Variants in B4GALT6 observed in about 807,000 individuals in gnomAD.
The protein encoded by B4GALT6 is UDP-Gal:beta-GlcNAc beta-1,4-galactosyltransferase 6.
B4GALT6 carries 14 observed loss-of-function variants against 46.3 expected under a neutral mutation model. The observed-to-expected ratio is 0.30, with a 90% CI of 0.20 to 0.47. The LOEUF is 0.47. Among genes scored for constraint, B4GALT6 ranks in the 20% least tolerant of loss-of-function variants. B4GALT6 has a pLI of 0.99. For synonymous variants in B4GALT6, 168 were observed against 162.0 expected (o/e 1.04, Z -0.28); for missense variants, 386 against 480.1 (o/e 0.80, Z 1.83).
At chr18:31,686,283 A>G (rs1318201873), upstream of B4GALT6, 3 of 152,224 alleles carry the variant, frequency 2.0e-5, no homozygotes, top group Non-Finnish European at 2.9e-5. Context: ...TGCGCATGCC[A>G]TAGATCGTCC....
At chr18:31,721,421 A>G in the B4GALT6 span, among the ~76,000 whole-genome samples, 1 of 152,246 alleles carries the variant, frequency 6.6e-6, no homozygotes, top group East Asian at 1.9e-4. Context: ...CATATACATT[A>G]TAAACCATCA....
chr18:31,650,309 A>G (rs948851709), intron 3 of B4GALT6, among the ~76,000 whole-genome samples: 1 of 152,230 alleles, frequency 6.6e-6, no homozygotes, highest in Non-Finnish European at 1.5e-5. Flanking sequence ...GGTCACGTTT[A>G]TGGCCACTGG....
chr18:31,662,669 G>A (rs1452684502), intron 2 of B4GALT6, among the ~76,000 whole-genome samples: 2 of 152,100 alleles, frequency 1.3e-5, no homozygotes, highest in Admixed American at 6.6e-5. Context: ...GTGAAACCCC[G>A]TCTCTACTAA....
intron 3 of B4GALT6, among the ~76,000 whole-genome samples, chr18:31,654,383 A>G (rs1213373677): frequency 2.0e-5 from 3 of 152,234 alleles, no homozygotes; most frequent in Non-Finnish European, 4.4e-5. Flanking sequence ...TCTTACATAA[A>G]TGCAATAAAG....
upstream of B4GALT6, chr18:31,684,784 G>A: frequency 2.8e-6 from 3 of 1,059,474 alleles, no homozygotes; most frequent in Non-Finnish European, 3.4e-6. Context: ...GCTGCAGGTG[G>A]GAGGAGGCGC....
intron 5 of B4GALT6, among the ~76,000 whole-genome samples, chr18:31,638,129 T>C (rs942874854): frequency 1.3e-5 from 2 of 152,192 alleles, no homozygotes; most frequent in Non-Finnish European, 2.9e-5. Context: ...GAGGCTGTCA[T>C]ACTAAAGTGA....
chr18:31,687,780 A>G (rs2029976411), upstream of B4GALT6, among the ~76,000 whole-genome samples: 1 of 152,220 alleles, frequency 6.6e-6, no homozygotes, highest in African/African-American at 2.4e-5. Context: ...AATAAATTAA[A>G]TCATAATTAA....
In B4GALT6 at chr18:31,677,957, CAT is replaced by C. The variant is rs568330006; in HGVS notation, c.115+6353_115+6354del. ...AGCTCTAGAAAAATCACTCCTCACACATGTCTCACCTCAGCCTCCCCTCCTAC... is the reference window on the plus strand; with the variant it reads ...AGCTCTAGAAAAATCACTCCTCACACGTCTCACCTCAGCCTCCCCTCCTAC... On this transcript the variant is annotated intron_variant, in intron 1 of 8. Coordinates refer to ENST00000306851, the MANE Select transcript of B4GALT6 (RefSeq NM_004775.5). Among the ~76,000 whole-genome samples, 179 of 152,324 alleles carry C rather than the reference CAT, an allele frequency of 1.2e-3. 4 individuals carry two copies. In the South Asian group the frequency reaches 0.03, roughly 26 times the overall value.
intron 2 of B4GALT6, among the ~76,000 whole-genome samples, chr18:31,662,856 C>CA (rs993469549): frequency 1.3e-5 from 2 of 151,934 alleles, no homozygotes; most frequent in Admixed American, 6.6e-5. Context: ...AAAACAAAAA[C>CA]AAAAAAACCC....
chr18:31,722,610 T>A, the B4GALT6 span, among the ~76,000 whole-genome samples: 1 of 146,608 alleles, frequency 6.8e-6, no homozygotes, highest in Admixed American at 6.7e-5. Flanking sequence ...GACTCCCTCA[T>A]CAGCAGGCTC....
At chr18:31,659,723 C>G (rs2074188465) in intron 2 of B4GALT6, among the ~76,000 whole-genome samples, 1 of 152,114 alleles carries the variant, frequency 6.6e-6, no homozygotes, top group African/African-American at 2.4e-5. Flanking sequence ...CCTCCCCACT[C>G]TCCCTGGGCG....
At chr18:31,699,898 A>G in the B4GALT6 span, among the ~76,000 whole-genome samples, 1 of 152,216 alleles carries the variant, frequency 6.6e-6, no homozygotes, top group African/African-American at 2.4e-5. Flanking sequence ...AAGAAAAGGA[A>G]TTGTTTAAAG....
At chr18:31,653,435 C>CTTTTT (rs5823819) in intron 3 of B4GALT6, among the ~76,000 whole-genome samples, 48 of 74,118 alleles carry the variant, frequency 6.5e-4, no homozygotes, top group Admixed American at 8.2e-4. Context: ...AACCTTTTTT[C>CTTTTT]TTTTTTTTTT....
the B4GALT6 span, among the ~76,000 whole-genome samples, chr18:31,703,958 A>G: frequency 1.3e-5 from 2 of 152,166 alleles, no homozygotes; most frequent in African/African-American, 2.4e-5. Context: ...TAACCATCAG[A>G]CTGTCTTTGA....
At chr18:31,670,805 T>C (rs1456496659) in intron 1 of B4GALT6, among the ~76,000 whole-genome samples, 1 of 152,180 alleles carries the variant, frequency 6.6e-6, no homozygotes, top group African/African-American at 2.4e-5. Flanking sequence ...GTGCAGAATG[T>C]GCAGGTTACA....
Position 31,626,390 on chromosome 18 carries a change from A to G in B4GALT6, c.900-6T>C, listed in dbSNP as rs772320567. Reference sequence around the variant, plus strand: ...TATATCCAGCATAGTGAACTCTACAATGCCATATATGGAAATGAAAATATA... The same window carrying G: ...TATATCCAGCATAGTGAACTCTACAGTGCCATATATGGAAATGAAAATATA... On this transcript the variant is annotated splice_region_variant and splice_polypyrimidine_tract_variant and intron_variant, in intron 7 of 8. Coordinates refer to ENST00000306851, the MANE Select transcript of B4GALT6 (RefSeq NM_004775.5). 4.2e-6 allele frequency: 6 copies of G among 1,413,074 alleles called. No homozygotes were observed. The highest frequency in any genetic ancestry group is 1.4e-5 in the African/African-American group (1 of 69,936). The allele number at this position is 1,413,074 out of a possible 1,614,324, so 87.5% of individuals were successfully genotyped here. A position where few individuals can be genotyped will look rare whatever the true frequency, so the allele number is the denominator to read the frequency against.
At chr18:31,657,896 G>T in intron 3 of B4GALT6, 80 bp downstream of exon 3, 1 of 1,072,316 alleles carries the variant, frequency 9.3e-7, no homozygotes, top group Non-Finnish European at 1.4e-6. Context: ...ACCTGCTCCT[G>T]CTGCACTCAA....
At chr18:31,662,881 C>T (rs1374623551) in intron 2 of B4GALT6, among the ~76,000 whole-genome samples, 3 of 152,176 alleles carry the variant, frequency 2.0e-5, no homozygotes, top group South Asian at 2.1e-4. Context: ...AATCATTATT[C>T]CTACAAAAGT....
chr18:31,708,292 C>A, the B4GALT6 span, among the ~76,000 whole-genome samples: 2 of 152,184 alleles, frequency 1.3e-5, no homozygotes, highest in Non-Finnish European at 2.9e-5. Context: ...TAGCTGGGTG[C>A]GGTGGCTCAT....
Sources: gnomAD v4.1 joint callset for allele counts (sites outside exome capture counted in the v4.1 genomes callset) on GRCh38, gnomAD v4.1.1 for gene constraint, MANE v1.5 for transcripts, NCBI Gene and HGNC (gene_info 2026-07-23, HGNC 2026-07-21) for gene names.